The following KIAA1671 variants were observed in gnomAD, a reference collection of about 807,000 sequenced individuals.
The protein encoded by KIAA1671 is uncharacterized protein KIAA1671.
A neutral mutation model predicts 131.2 loss-of-function variants in KIAA1671; 52 were observed. That is an observed-to-expected ratio of 0.40 (90% CI 0.32 to 0.50). The LOEUF (loss-of-function observed/expected upper bound fraction) is 0.50, where lower values mean the gene tolerates loss of function less well. Among genes scored for constraint, KIAA1671 ranks in the 20% least tolerant of loss-of-function variants. The pLI, the probability that KIAA1671 is intolerant of heterozygous loss-of-function variation, is 0.73. For missense variants in KIAA1671, 2,360 were observed against 2,364.2 expected (o/e 1.00, Z 0.04); for synonymous variants, 1,003 against 961.6 (o/e 1.04, Z -0.80).
intron 6 of KIAA1671, among the ~76,000 whole-genome samples, chr22:25,115,717 G>C (rs1382068703): frequency 6.6e-6 from 1 of 152,120 alleles, no homozygotes; most frequent in Non-Finnish European, 1.5e-5. Context: ...CTAAGCATCA[G>C]GTGCATATAA....
At chr22:24,964,486 A>G (rs1922190450) in intron 1 of KIAA1671, among the ~76,000 whole-genome samples, 1 of 152,006 alleles carries the variant, frequency 6.6e-6, no homozygotes, top group African/African-American at 2.4e-5. Context: ...CAGTGGCGCT[A>G]TCACAGCTCA....
chr22:25,135,184 G>T (rs927949668), intron 6 of KIAA1671, among the ~76,000 whole-genome samples: 1 of 152,084 alleles, frequency 6.6e-6, no homozygotes, highest in South Asian at 2.1e-4. Flanking sequence ...TGGATTTTGC[G>T]ATTTTAGTTT....
chr22:25,024,327 G>A (rs2123895524), intron 1 of KIAA1671: 1 of 152,364 alleles, frequency 6.6e-6, no homozygotes. Context: ...TTCCACATTT[G>A]GGCAGGTGAG....
intron 1 of KIAA1671, among the ~76,000 whole-genome samples, chr22:24,984,957 C>A (rs1196759237): frequency 1.4e-5 from 2 of 141,598 alleles, no homozygotes; most frequent in African/African-American, 5.4e-5. Context: ...CAGCAATAAA[C>A]GCTGACCTGT....
At chr22:25,056,776 G>A (rs2145829754) in intron 6 of KIAA1671, 1 of 135,008 alleles carries the variant, frequency 7.4e-6, no homozygotes, top group East Asian at 2.3e-4. Flanking sequence ...TCGGGCCACT[G>A]CACTCCAGCC....
At chr22:25,031,679 G>A (rs7286373) in intron 3 of KIAA1671, among the ~76,000 whole-genome samples, 86,835 of 152,036 alleles carry the variant, frequency 0.57, 27,668 homozygotes, top group African/African-American at 0.88. Flanking sequence ...ATGTGTAGCC[G>A]GGGCTGACAA....
At chr22:24,967,679 G>A (rs1383162574) in intron 1 of KIAA1671, among the ~76,000 whole-genome samples, 3 of 152,126 alleles carry the variant, frequency 2.0e-5, no homozygotes, top group Non-Finnish European at 2.9e-5. Flanking sequence ...AAGCAAAACC[G>A]TTTCCCTTGA....
At chr22:25,023,992 GATTT>G (rs1925807093) in intron 1 of KIAA1671, 2 of 151,792 alleles carry the variant, frequency 1.3e-5, no homozygotes, top group Admixed American at 1.3e-4. Flanking sequence ...TTTGTTCATT[GATTT>G]ATTAATTCAT....
intron 6 of KIAA1671, among the ~76,000 whole-genome samples, chr22:25,122,520 C>T (rs1401213030): frequency 6.6e-6 from 1 of 152,208 alleles, no homozygotes; most frequent in Non-Finnish European, 1.5e-5. Flanking sequence ...TGTGGGATAG[C>T]CCTGCTCTGC....
At chr22:25,013,491 C>T (rs1460050256) in intron 1 of KIAA1671, 1 of 152,176 alleles carries the variant, frequency 6.6e-6, no homozygotes, top group Non-Finnish European at 1.5e-5. Context: ...GGAGCTTTGC[C>T]AGCCAGTGTA....
chr22:25,156,476 TTGTG>T (rs150404749), intron 6 of KIAA1671, among the ~76,000 whole-genome samples: 1 of 151,856 alleles, frequency 6.6e-6, no homozygotes, highest in Non-Finnish European at 1.5e-5. Context: ...TTGTGTGCAT[TTGTG>T]TGTGTGTGCA....
chr22:25,007,796 C>G (rs1212218352), intron 1 of KIAA1671, among the ~76,000 whole-genome samples: 1 of 152,114 alleles, frequency 6.6e-6, no homozygotes, highest in Non-Finnish European at 1.5e-5. Flanking sequence ...ATAAATATGA[C>G]TGCAGGATTG....
intron 1 of KIAA1671, among the ~76,000 whole-genome samples, chr22:24,994,163 C>T (rs1923987067): frequency 6.6e-6 from 1 of 152,142 alleles, no homozygotes; most frequent in Non-Finnish European, 1.5e-5. Context: ...TGACACATTT[C>T]AAAATGGGGT....
At chr22:24,959,573 C>A (rs1303447492) in intron 1 of KIAA1671, among the ~76,000 whole-genome samples, 1 of 151,816 alleles carries the variant, frequency 6.6e-6, no homozygotes, top group Non-Finnish European at 1.5e-5. Context: ...CATACACACA[C>A]ACACACATAT....
At chr22:24,988,641 C>G (rs1923676796) in intron 1 of KIAA1671, among the ~76,000 whole-genome samples, 1 of 145,932 alleles carries the variant, frequency 6.9e-6, no homozygotes. Context: ...GAGGCTGAGG[C>G]AAGAGAATCT....
chr22:25,028,522 C>T lies in KIAA1671; in HGVS notation c.523C>T (p.Arg175Trp), dbSNP rs998092960. The change falls in exon 3 of 13, where the codon CGG becomes TGG. Residue 175 changes from arginine (R) to tryptophan (W), a missense_variant. Arg to Trp is a moderately radical substitution (Grantham distance 101, BLOSUM62 -3). Transcript: ENST00000358431. Reference protein sequence around the residue: ...EEAKLGVSGSRPEVAAKPALP... With the variant: ...EEAKLGVSGSWPEVAAKPALP... The stretch of plus-strand genomic sequence containing the variant: ...GGCCAAGCTAGGTGTGTCCGGCTCC[C>T]GGCCTGAGGTGGCTGCCAAGCCCGC... 94 of 1,549,390 alleles carry T rather than the reference C, an allele frequency of 6.1e-5. No homozygotes were observed. Among genetic ancestry groups the T allele is most frequent in the Admixed American group, 2.7e-4 (14 of 50,914 alleles).
chr22:25,095,855 C>T (rs1468240385), intron 6 of KIAA1671, among the ~76,000 whole-genome samples: 1 of 152,212 alleles, frequency 6.6e-6, no homozygotes, highest in Non-Finnish European at 1.5e-5. Flanking sequence ...TCGGCTTTCT[C>T]CTCCCTTGTT....
chr22:25,059,666 G>A (rs1928049834), intron 6 of KIAA1671: 1 of 152,266 alleles, frequency 6.6e-6, no homozygotes, highest in Non-Finnish European at 1.5e-5. Flanking sequence ...ATCCTGACAG[G>A]GGAGTAGTTT....
chr22:25,154,593 T>G (rs1219278968), intron 6 of KIAA1671, among the ~76,000 whole-genome samples: 1 of 152,228 alleles, frequency 6.6e-6, no homozygotes, highest in African/African-American at 2.4e-5. Flanking sequence ...AGCCACAGGC[T>G]GGGCTGAGCA....
Sources: allele counts gnomAD v4.1 joint callset (sites outside exome capture counted in the v4.1 genomes callset), GRCh38; gene constraint gnomAD v4.1.1; transcripts MANE v1.5; gene names NCBI Gene and HGNC (gene_info 2026-07-23, HGNC 2026-07-21).